Variants in NRG1 observed in about 807,000 individuals in gnomAD.
The protein encoded by NRG1 is pro-neuregulin-1, membrane-bound isoform.
In NRG1, 18 loss-of-function variants were observed where a neutral mutation model predicts 63.8. That is an observed-to-expected ratio of 0.28 (90% CI 0.19 to 0.42). NRG1 has a LOEUF of 0.42. NRG1 is among the 10% of genes least tolerant of loss of function. The probability of loss-of-function intolerance (pLI) is 1.00; values close to 1 mark genes in which losing one functional copy is unlikely to be tolerated. For synonymous variants in NRG1, 302 were observed against 301.3 expected (o/e 1.00, Z -0.02); for missense variants, 762 against 814.7 (o/e 0.94, Z 0.79).
chr8:32,202,710 G>A (rs560243309), intron 1 of NRG1, among the ~76,000 whole-genome samples: 3 of 151,688 alleles, frequency 2.0e-5, no homozygotes, highest in South Asian at 4.2e-4. Context: ...TAGTTCATCG[G>A]TCCCGTAGCT....
downstream of NRG1, among the ~76,000 whole-genome samples, chr8:32,771,231 C>T (rs1831762273): frequency 6.6e-6 from 1 of 151,464 alleles, no homozygotes; most frequent in Non-Finnish European, 1.5e-5. Flanking sequence ...CCACCTCAGC[C>T]TCTCAAGTAG....
At chr8:32,265,759 C>T (rs1004964914) in intron 1 of NRG1, among the ~76,000 whole-genome samples, 2 of 152,030 alleles carry the variant, frequency 1.3e-5, no homozygotes, top group African/African-American at 4.8e-5. Flanking sequence ...GGGAGGATCA[C>T]TTGATCCTAG....
At chr8:31,912,566 CTTT>C (rs3052846) in intron 1 of NRG1, among the ~76,000 whole-genome samples, 12,186 of 105,340 alleles carry the variant, frequency 0.12, 544 homozygotes, top group African/African-American at 0.17. Flanking sequence ...TTTAGAAATG[CTTT>C]TTTTTTTTTT....
intron 1 of NRG1, among the ~76,000 whole-genome samples, chr8:32,055,589 A>G (rs886603291): frequency 2.6e-5 from 4 of 152,070 alleles, no homozygotes; most frequent in African/African-American, 7.2e-5. Flanking sequence ...GGCAAATTAT[A>G]TAATCTGAGT....
At chr8:32,576,069 G>A (rs1460722658) in intron 1 of NRG1, among the ~76,000 whole-genome samples, 1 of 152,096 alleles carries the variant, frequency 6.6e-6, no homozygotes, top group Admixed American at 6.5e-5. Flanking sequence ...CATACACTGT[G>A]GAATGGCTAA....
intron 5 of NRG1, among the ~76,000 whole-genome samples, chr8:32,687,206 A>C (rs60652373): frequency 0.033 from 4,978 of 152,276 alleles, 293 homozygotes; most frequent in African/African-American, 0.11. Flanking sequence ...TGAAATATAA[A>C]ATGTGTTCTT....
At chr8:31,665,172 C>A (rs899870078) in intron 1 of NRG1, among the ~76,000 whole-genome samples, 1 of 152,128 alleles carries the variant, frequency 6.6e-6, no homozygotes, top group Admixed American at 6.5e-5. Context: ...CCTGGAAAAA[C>A]CCTATCACTC....
At chr8:31,848,054 T>G (rs1826853877) in intron 1 of NRG1, among the ~76,000 whole-genome samples, 1 of 152,204 alleles carries the variant, frequency 6.6e-6, no homozygotes, top group African/African-American at 2.4e-5. Flanking sequence ...TCAGACAATT[T>G]TAAACTTTAG....
intron 5 of NRG1, among the ~76,000 whole-genome samples, chr8:32,704,660 T>C (rs555464776): frequency 6.6e-6 from 1 of 152,354 alleles, no homozygotes; most frequent in South Asian, 2.1e-4. Flanking sequence ...TGCACTTCTG[T>C]GCAATAAATC....
chr8:31,737,432 G>A (rs58805762), intron 1 of NRG1, among the ~76,000 whole-genome samples: 30,006 of 152,002 alleles, frequency 0.2, 3,476 homozygotes, highest in Non-Finnish European at 0.24. Flanking sequence ...CAAGAATTGC[G>A]TTTTGAAGAC....
At chr8:31,942,873 A>C (rs946428575) in intron 1 of NRG1, among the ~76,000 whole-genome samples, 2 of 44,910 alleles carry the variant, frequency 4.5e-5, no homozygotes, top group African/African-American at 1.2e-4. Context: ...GACCATAATA[A>C]AAAGAAAAAA....
intron 1 of NRG1, among the ~76,000 whole-genome samples, chr8:31,740,931 C>T (rs532705907): frequency 6.6e-6 from 1 of 152,106 alleles, no homozygotes; most frequent in African/African-American, 2.4e-5. Context: ...ATGTTCATCA[C>T]AGCACTATTC....
chr8:31,681,461 A>G (rs185607958), intron 1 of NRG1, among the ~76,000 whole-genome samples: 5 of 151,988 alleles, frequency 3.3e-5, no homozygotes, highest in Admixed American at 3.3e-4. Flanking sequence ...TTACATTTAA[A>G]TGACAATGAC....
intron 1 of NRG1, among the ~76,000 whole-genome samples, chr8:31,676,626 G>A (rs1441249454): frequency 6.6e-6 from 1 of 152,130 alleles, no homozygotes; most frequent in East Asian, 1.9e-4. Flanking sequence ...GTCCGTGTTT[G>A]ATATACCTTC....
rs555555293 is a variant in NRG1 at position 32,227,348 on chromosome 8, C to G, written c.38-368480C>G. On this transcript the variant is annotated intron_variant, in intron 1 of 10. Transcript: ENST00000519301. ...GAATCTATTCATCCCATTAAAAAAG[C>G]AGGAATTCCAATTAAGTGAGGTAAA... 5.3e-4 allele frequency among the ~76,000 whole-genome samples: 80 copies of G among 152,204 alleles called. No homozygotes were observed. In the Middle Eastern group the frequency reaches 0.017, roughly 32 times the overall value.
chr8:31,655,626 A>G (rs982115272), intron 1 of NRG1, among the ~76,000 whole-genome samples: 3 of 152,220 alleles, frequency 2.0e-5, no homozygotes, highest in African/African-American at 7.2e-5. Flanking sequence ...GGGGAACCCA[A>G]TGAAGGGTTT....
chr8:32,054,417 G>A (rs1822503200), intron 1 of NRG1, among the ~76,000 whole-genome samples: 1 of 152,208 alleles, frequency 6.6e-6, no homozygotes, highest in African/African-American at 2.4e-5. Flanking sequence ...TCAATTACAT[G>A]TGACAATAAA....
In NRG1 at chr8:32,681,287, A is replaced by G. The variant is rs1373351147; in HGVS notation, c.503-46662A>G. Among the ~76,000 whole-genome samples the G allele has an allele frequency of 3.3e-5, 5 of 152,204 alleles. No individual in the cohort carries two copies. The East Asian group carries it at 9.6e-4, about 29-fold the overall frequency. On this transcript the variant is annotated intron_variant, in intron 5 of 11. Transcript: ENST00000356819. ...TGTTTAGACCAGGAAATCAAAATGC[A>G]TGACCTAGTCAGACAAAGCAAAAGG...
At chr8:32,398,979 T>C (rs555476154) in intron 1 of NRG1, among the ~76,000 whole-genome samples, 218 of 152,342 alleles carry the variant, frequency 1.4e-3, no homozygotes, top group Non-Finnish European at 2.5e-3. Context: ...TGTTTGATAA[T>C]CTTTGCTTAA....
Sources: gnomAD v4.1 joint callset for allele counts (sites outside exome capture counted in the v4.1 genomes callset) on GRCh38, gnomAD v4.1.1 for gene constraint, MANE v1.5 for transcripts, NCBI Gene and HGNC (gene_info 2026-07-23, HGNC 2026-07-21) for gene names.